The following SWAP70 variants were observed in gnomAD, a reference collection of about 807,000 sequenced individuals.
The protein encoded by SWAP70 is switch-associated protein 70.
Under a neutral mutation model 80.2 loss-of-function variants are expected in SWAP70, and 34 were observed. The ratio of observed to expected loss-of-function variants is 0.42; its 90% CI spans 0.32 to 0.56. The LOEUF is 0.56. Among genes scored for constraint, SWAP70 ranks in the 20% least tolerant of loss-of-function variants. SWAP70 has a pLI of 0.09. For missense variants in SWAP70, 578 were observed against 690.7 expected, an observed-to-expected ratio of 0.84 and a Z score of 1.83; for synonymous variants, 239 against 238.5, an observed-to-expected ratio of 1.00 and a Z score of -0.02.
At chr11:9,748,543 G>T (rs1291114137) in intron 10 of SWAP70, among the ~76,000 whole-genome samples, 1 of 152,242 alleles carries the variant, frequency 6.6e-6, no homozygotes, top group African/African-American at 2.4e-5. Flanking sequence ...ACCGGCAAAA[G>T]CTGCCCACAG....
intron 10 of SWAP70, 105 bp downstream of exon 10, chr11:9,748,161 TCTTG>T: frequency 8.2e-7 from 1 of 1,226,076 alleles, no homozygotes; most frequent in East Asian, 2.5e-5. Flanking sequence ...GTAGTAAGAA[TCTTG>T]CTTAGCTGTA....
At chr11:9,747,822 G>A in intron 9 of SWAP70, 36 bp from the exon 10 acceptor site, 1 of 1,607,610 alleles carries the variant, frequency 6.2e-7, no homozygotes, top group South Asian at 1.1e-5. Flanking sequence ...GGTGACCTGG[G>A]CAGGATTTGA....
intron 2 of SWAP70, among the ~76,000 whole-genome samples, chr11:9,705,574 C>T (rs1850896649): frequency 7.0e-6 from 1 of 142,610 alleles, no homozygotes; most frequent in South Asian, 2.3e-4. Context: ...TCTGTATGCA[C>T]TGGTGATCTG....
At chr11:9,720,563 C>A (rs190682421) in intron 3 of SWAP70, 3 of 835,236 alleles carry the variant, frequency 3.6e-6, no homozygotes, top group Non-Finnish European at 4.3e-6. Context: ...GTCTCACCCA[C>A]GTGTAGTCAT....
intron 1 of SWAP70, among the ~76,000 whole-genome samples, chr11:9,679,843 G>T (rs2134431832): frequency 6.6e-6 from 1 of 151,918 alleles, no homozygotes; most frequent in South Asian, 2.1e-4. Context: ...AAATTTTTTT[G>T]TATTTTCAGT....
chr11:9,740,151 C>CATTTA, intron 8 of SWAP70, 30 bp from the exon 9 acceptor site: 1 of 1,603,152 alleles, frequency 6.2e-7, no homozygotes, highest in East Asian at 2.2e-5. Context: ...AGTCAACCTG[C>CATTTA]ATTTAAACAA....
intron 3 of SWAP70, 78 bp from the exon 4 acceptor site, chr11:9,724,580 A>T: frequency 1.9e-6 from 2 of 1,049,808 alleles, no homozygotes; most frequent in South Asian, 1.7e-5. Context: ...TGAACTTATC[A>T]GTGTTTATAA....
At chr11:9,735,301 AT>A (rs1851349277) in intron 7 of SWAP70, among the ~76,000 whole-genome samples, 1 of 152,100 alleles carries the variant, frequency 6.6e-6, no homozygotes, top group Non-Finnish European at 1.5e-5. Context: ...CACTTAATAT[AT>A]TTTTTAGATC....
At chr11:9,749,020 AAT>A in intron 10 of SWAP70, 65 bp from the exon 11 acceptor site, 1 of 953,262 alleles carries the variant, frequency 1.0e-6, no homozygotes, top group East Asian at 2.7e-5. Flanking sequence ...GTAAGGGCCC[AAT>A]AGTTGTGATT....
intron 1 of SWAP70, among the ~76,000 whole-genome samples, chr11:9,689,228 C>T (rs554299903): frequency 2.6e-5 from 4 of 152,248 alleles, no homozygotes; most frequent in South Asian, 2.1e-4. Context: ...ACTACTTACT[C>T]GTGTTAAAAC....
chr11:9,744,691 T>C lies in SWAP70; in HGVS notation c.1356-3167T>C, dbSNP rs188675950. 8.8e-3 allele frequency among the ~76,000 whole-genome samples: 1,344 copies of C among 152,110 alleles called. 15 individuals carry two copies. The highest frequency in any genetic ancestry group is 0.031 in the African/African-American group (1,291 of 41,504). The stretch of plus-strand genomic sequence containing the variant: ...GGGAGGCTGAGGCGGGCGGATCCCT[T>C]GAGGCTCGGAGTTTGAGACCAGCCT... On this transcript the variant is annotated intron_variant, in intron 9 of 11. Coordinates refer to ENST00000318950, the MANE Select transcript of SWAP70 (RefSeq NM_015055.4).
intron 1 of SWAP70, among the ~76,000 whole-genome samples, chr11:9,668,664 A>G (rs895752138): frequency 6.6e-6 from 1 of 152,194 alleles, no homozygotes; most frequent in Admixed American, 6.5e-5. Context: ...TAGGCTCTTA[A>G]GAGTTAATAT....
chr11:9,718,108 A>G (rs899834830), intron 3 of SWAP70, among the ~76,000 whole-genome samples: 1 of 152,246 alleles, frequency 6.6e-6, no homozygotes, highest in African/African-American at 2.4e-5. Flanking sequence ...TTGCAGGCTA[A>G]CAGAAATGTC....
intron 2 of SWAP70, among the ~76,000 whole-genome samples, chr11:9,701,009 A>G (rs902434051): frequency 6.6e-5 from 10 of 152,176 alleles, no homozygotes; most frequent in African/African-American, 1.7e-4. Flanking sequence ...GTTCATACCA[A>G]GAGTTAAATT....
At chr11:9,705,090 G>T (rs2134460636) in intron 2 of SWAP70, among the ~76,000 whole-genome samples, 1 of 137,704 alleles carries the variant, frequency 7.3e-6, no homozygotes, top group East Asian at 2.3e-4. Flanking sequence ...GTATGCACTG[G>T]TGATATGTAT....
At position 9,672,427 on chromosome 11, in the gene SWAP70, C is replaced by T. The variant is rs190958599; in HGVS notation, c.99+8149C>T. Among the ~76,000 whole-genome samples, 1,107 of 151,096 alleles carry T rather than the reference C, an allele frequency of 7.3e-3. 7 individuals carry two copies. The highest frequency in any genetic ancestry group is 0.023 in the African/African-American group (958 of 41,256). On this transcript the variant is annotated intron_variant, in intron 1 of 11. Transcript: ENST00000318950. ...TCACTCAGGCTGGAGTGCAGTGGCA[C>T]GATCATAGCTCACCATACCCATGAC...
At chr11:9,705,536 A>G (rs1187274367) in intron 2 of SWAP70, among the ~76,000 whole-genome samples, 1 of 142,062 alleles carries the variant, frequency 7.0e-6, no homozygotes, top group Non-Finnish European at 1.5e-5. Flanking sequence ...TGATCTGTAT[A>G]CACTGGTGAT....
intron 1 of SWAP70, among the ~76,000 whole-genome samples, chr11:9,682,578 T>G (rs1181331400): frequency 6.6e-6 from 1 of 152,254 alleles, no homozygotes; most frequent in Non-Finnish European, 1.5e-5. Flanking sequence ...TAAAATCACT[T>G]TCTTTTTTCT....
chr11:9,676,460 A>C (rs1392795035), intron 1 of SWAP70, among the ~76,000 whole-genome samples: 1 of 152,170 alleles, frequency 6.6e-6, no homozygotes, highest in Non-Finnish European at 1.5e-5. Flanking sequence ...TAGGATGCTC[A>C]AGACTCTTAT....
Sources: gnomAD v4.1 joint callset for allele counts (sites outside exome capture counted in the v4.1 genomes callset) on GRCh38, gnomAD v4.1.1 for gene constraint, MANE v1.5 for transcripts, NCBI Gene and HGNC (gene_info 2026-07-23, HGNC 2026-07-21) for gene names.